LAMA1: variants seen among roughly 807,000 people sequenced by gnomAD.
LAMA1 encodes laminin subunit alpha-1.
Under a neutral mutation model 348.7 loss-of-function variants are expected in LAMA1, and 219 were observed. That is an observed-to-expected ratio of 0.63 (90% CI 0.56 to 0.70). The LOEUF (loss-of-function observed/expected upper bound fraction) is 0.70, where lower values mean the gene tolerates loss of function less well. LAMA1 is among the 30% of genes least tolerant of loss of function. The pLI is 0.00. For missense variants in LAMA1, 3,744 were observed against 3,888.0 expected (o/e 0.96, Z 0.99); for synonymous variants, 1,487 against 1,491.0 (o/e 1.00, Z 0.06).
intron 48 of LAMA1, among the ~76,000 whole-genome samples, chr18:6,971,205 T>C (rs927866186): frequency 6.6e-6 from 1 of 152,198 alleles, no homozygotes; most frequent in African/African-American, 2.4e-5. Context: ...GTTATTTTGT[T>C]ATAAAATAAT....
intron 29 of LAMA1, among the ~76,000 whole-genome samples, chr18:7,006,689 C>T (rs2057833650): frequency 6.6e-6 from 1 of 152,122 alleles, no homozygotes; most frequent in Non-Finnish European, 1.5e-5. Flanking sequence ...TATGGTAGAG[C>T]CTATTGCTCC....
chr18:7,111,693 T>C (rs1180475974), intron 1 of LAMA1, among the ~76,000 whole-genome samples: 1 of 152,238 alleles, frequency 6.6e-6, no homozygotes, highest in African/African-American at 2.4e-5. Flanking sequence ...CAATTGTCCA[T>C]GGATGCATAT....
At chr18:6,957,905 G>A (rs369467999) in intron 55 of LAMA1, among the ~76,000 whole-genome samples, 6 of 151,988 alleles carry the variant, frequency 3.9e-5, no homozygotes, top group East Asian at 2.0e-4. Context: ...CTCAGCCTCC[G>A]GAGTAGCTGG....
At chr18:7,104,115 A>AT (rs1051581784) in intron 1 of LAMA1, among the ~76,000 whole-genome samples, 158 of 152,040 alleles carry the variant, frequency 1.0e-3, no homozygotes, top group African/African-American at 3.5e-3. Context: ...AGTAGCTGGG[A>AT]TTACAGGCGA....
At chr18:7,042,310 G>A in intron 8 of LAMA1, 60 bp from the exon 9 acceptor site, 1 of 978,662 alleles carries the variant, frequency 1.0e-6, no homozygotes. Flanking sequence ...GTTGGCAATA[G>A]TATAAATAAG....
intron 3 of LAMA1, among the ~76,000 whole-genome samples, chr18:7,072,190 G>T (rs964971775): frequency 3.9e-5 from 6 of 152,094 alleles, no homozygotes; most frequent in Non-Finnish European, 2.9e-5. Flanking sequence ...CCTTAATCCT[G>T]TTAGCTAACT....
intron 1 of LAMA1, among the ~76,000 whole-genome samples, chr18:7,086,642 C>G (rs369739857): frequency 1.3e-5 from 2 of 152,240 alleles, no homozygotes; most frequent in East Asian, 3.9e-4. Context: ...GGCCCTAGGA[C>G]AGTGTCTGGC....
chr18:6,973,168 G>A lies in LAMA1; in HGVS notation c.6663C>T (p.Ser2221=). 6.2e-7 allele frequency: 1 copy of A among 1,614,114 alleles called. No homozygotes were observed. The highest frequency in any genetic ancestry group is 8.5e-7 in the Non-Finnish European group (1 of 1,179,970). ...NIGSLSVKEM[S]SNQKSPTKTS... ...TTTTTGTTGGTGACTTTTGATTTGA[G>A]CTCATTTCCTTTACACTCAGTGAAC... The change falls in exon 47 of 63, where the codon AGC becomes AGT. Residue 2221 remains serine (S), a synonymous_variant. Transcript: ENST00000389658.
intron 2 of LAMA1, 78 bp from the exon 3 acceptor site, chr18:7,080,165 G>A (rs1035891370): frequency 1.9e-6 from 3 of 1,558,104 alleles, no homozygotes; most frequent in Admixed American, 3.4e-5. Context: ...CGTAATGCTA[G>A]TGGAAACAAA....
intron 21 of LAMA1, 152 bp from the exon 22 acceptor site, chr18:7,016,010 A>G: frequency 1.1e-6 from 1 of 891,256 alleles, no homozygotes; most frequent in Non-Finnish European, 1.8e-6. Flanking sequence ...TCCATGTCTC[A>G]TGGAGGTAGC....
chr18:7,097,523 A>G (rs1421194500), intron 1 of LAMA1, among the ~76,000 whole-genome samples: 1 of 144,930 alleles, frequency 6.9e-6, no homozygotes, highest in Non-Finnish European at 1.5e-5. Context: ...TTTTTTGTAG[A>G]AATTGGCAAG....
At chr18:7,029,420 G>A (rs551313172) in intron 16 of LAMA1, among the ~76,000 whole-genome samples, 3 of 152,352 alleles carry the variant, frequency 2.0e-5, no homozygotes, top group African/African-American at 4.8e-5. Context: ...ATTCTGCAGA[G>A]TAACTGCAAT....
intron 1 of LAMA1, among the ~76,000 whole-genome samples, chr18:7,094,243 T>G (rs112004368): frequency 0.011 from 1,599 of 151,784 alleles, 32 homozygotes; most frequent in African/African-American, 0.031. Flanking sequence ...GCTAACACAG[T>G]GAAACCCTGT....
At chr18:7,095,070 T>G (rs536446604) in intron 1 of LAMA1, among the ~76,000 whole-genome samples, 37 of 151,658 alleles carry the variant, frequency 2.4e-4, no homozygotes, top group African/African-American at 8.0e-4. Context: ...TGACTGTTTT[T>G]TTTTTTTTTT....
intron 1 of LAMA1, among the ~76,000 whole-genome samples, chr18:7,091,412 T>G (rs1311498291): frequency 6.6e-6 from 1 of 152,228 alleles, no homozygotes; most frequent in Non-Finnish European, 1.5e-5. Flanking sequence ...CTATATTAAA[T>G]TTTGCTTATA....
At chr18:7,069,645 C>T (rs2058137899) in intron 3 of LAMA1, among the ~76,000 whole-genome samples, 1 of 152,176 alleles carries the variant, frequency 6.6e-6, no homozygotes. Context: ...GCCCTATAAG[C>T]AAGCTGCCTT....
intron 3 of LAMA1, among the ~76,000 whole-genome samples, chr18:7,060,981 C>T (rs191462589): frequency 2.0e-5 from 3 of 152,068 alleles, no homozygotes; most frequent in Non-Finnish European, 4.4e-5. Context: ...CACGGCAAAA[C>T]CTCATCTCTG....
intron 1 of LAMA1, among the ~76,000 whole-genome samples, chr18:7,081,059 T>G (rs1474163914): frequency 6.6e-6 from 1 of 152,070 alleles, no homozygotes; most frequent in Non-Finnish European, 1.5e-5. Flanking sequence ...GAAAAGGGAA[T>G]GCTTATATAC....
At chr18:6,946,101 G>A (rs1293171841) in intron 61 of LAMA1, among the ~76,000 whole-genome samples, 2 of 151,948 alleles carry the variant, frequency 1.3e-5, no homozygotes, top group African/African-American at 4.8e-5. Flanking sequence ...AGCAAGGGCA[G>A]AACAGTCACA....
Sources: allele counts gnomAD v4.1 joint callset (sites outside exome capture counted in the v4.1 genomes callset), GRCh38; gene constraint gnomAD v4.1.1; transcripts MANE v1.5; gene names NCBI Gene and HGNC (gene_info 2026-07-23, HGNC 2026-07-21).